The following TMEM45A variants were observed in gnomAD, a reference collection of about 807,000 sequenced individuals.
TMEM45A encodes the protein DNA polymerase-transactivated protein 4.
In TMEM45A, 25 loss-of-function variants were observed where a neutral mutation model predicts 32.0. The observed-to-expected ratio is 0.78, with a 90% CI of 0.57 to 1.09. The LOEUF is 1.09. TMEM45A is among the 50% of genes least tolerant of loss of function. The pLI is 0.00. For synonymous variants in TMEM45A, 122 were observed against 114.8 expected (o/e 1.06, Z -0.40); for missense variants, 302 against 325.0 (o/e 0.93, Z 0.54).
At position 100,513,241 on chromosome 3, in the gene TMEM45A, A is replaced by T. The variant is rs565520636; in HGVS notation, c.-4+20313A>T. Among the ~76,000 whole-genome samples the T allele has an allele frequency of 5.3e-5, 8 of 152,068 alleles. No individual in the cohort carries two copies. In the East Asian group the frequency reaches 1.5e-3, roughly 29 times the overall value. ...AAAATCCTCAATAAAATACTGGCAA[A>T]CCGAATCCAGCAGCACATCTAAAAG... On this transcript the variant is annotated intron_variant, in intron 1 of 5. Transcript: ENST00000323523.
intron 1 of TMEM45A, among the ~76,000 whole-genome samples, chr3:100,518,373 C>A (rs1420529471): frequency 4.6e-5 from 7 of 152,188 alleles, no homozygotes; most frequent in African/African-American, 1.7e-4. Flanking sequence ...TCTCCTTTAA[C>A]AGAAGGTTTG....
intron 1 of TMEM45A, among the ~76,000 whole-genome samples, chr3:100,511,348 C>T (rs1708156919): frequency 1.3e-5 from 2 of 152,002 alleles, no homozygotes; most frequent in Non-Finnish European, 2.9e-5. Flanking sequence ...AATTTTCAAC[C>T]CAGAATTTCA....
intron 1 of TMEM45A, among the ~76,000 whole-genome samples, chr3:100,554,392 G>A (rs984809931): frequency 6.6e-6 from 1 of 152,206 alleles, no homozygotes; most frequent in African/African-American, 2.4e-5. Flanking sequence ...GAAGCAGGCT[G>A]GTTGATCACC....
chr3:100,558,385 ATC>A lies in TMEM45A; in HGVS notation c.404-18_404-17del. ...GTCCTTGGTTCCACTGAAAAAGACAATCTGTTTTTTCCCCATCAGCCTTTATC... is the reference window on the plus strand; with the variant it reads ...GTCCTTGGTTCCACTGAAAAAGACAATGTTTTTTCCCCATCAGCCTTTATC... On this transcript the variant is annotated intron_variant, in intron 3 of 5. Transcript: ENST00000323523. 1 of 1,611,886 alleles carries A rather than the reference ATC, an allele frequency of 6.2e-7. No homozygotes were observed. The highest frequency in any genetic ancestry group is 8.5e-7 in the Non-Finnish European group (1 of 1,179,676).
In TMEM45A at chr3:100,555,195, T is replaced by C; in HGVS notation, c.-3-14T>C. On this transcript the variant is annotated splice_polypyrimidine_tract_variant and intron_variant, in intron 1 of 5. Transcript: ENST00000323523. ...GAAATGTCTTTTACTTTCTGTGTGT[T>C]CTTATATTTGTAGATCATGGGGAAT... 2.5e-6 allele frequency: 4 copies of C among 1,582,262 alleles called. No individual in the cohort carries two copies. Among genetic ancestry groups the C allele is most frequent in the Non-Finnish European group, 3.4e-6 (4 of 1,165,406 alleles).
At chr3:100,566,873 T>C (rs1389562060) in intron 4 of TMEM45A, among the ~76,000 whole-genome samples, 2 of 152,160 alleles carry the variant, frequency 1.3e-5, no homozygotes, top group Non-Finnish European at 2.9e-5. Flanking sequence ...ATTCTTTTTA[T>C]ATTCTAGATA....
At chr3:100,535,723 C>T (rs1705728859) in intron 1 of TMEM45A, among the ~76,000 whole-genome samples, 1 of 152,112 alleles carries the variant, frequency 6.6e-6, no homozygotes, top group South Asian at 2.1e-4. Context: ...GTCTCTTTAT[C>T]CTTAGTAGTA....
chr3:100,516,309 G>C (rs908393639), intron 1 of TMEM45A, among the ~76,000 whole-genome samples: 1 of 152,200 alleles, frequency 6.6e-6, no homozygotes, highest in East Asian at 1.9e-4. Flanking sequence ...TGTTAATTGT[G>C]ATAAGTGTTG....
intron 1 of TMEM45A, among the ~76,000 whole-genome samples, chr3:100,533,998 T>G (rs754169162): frequency 1.3e-5 from 2 of 152,128 alleles, no homozygotes; most frequent in Non-Finnish European, 2.9e-5. Context: ...TTGGGCCCTA[T>G]ATACTGGTAT....
intron 1 of TMEM45A, among the ~76,000 whole-genome samples, chr3:100,511,984 G>A (rs1009448874): frequency 1.4e-4 from 21 of 151,990 alleles, no homozygotes; most frequent in Middle Eastern, 3.2e-3. Context: ...CAAATCCTGA[G>A]TGACCTACAA....
At position 100,570,238 on chromosome 3, in the gene TMEM45A, G is replaced by T. The variant is rs1254109420; in HGVS notation, c.734+1271G>T. On this transcript the variant is annotated intron_variant, in intron 5 of 5. Transcript: ENST00000323523. ...CAGGTTCTCTGATTCCTAAATTGCA[G>T]TAGCTACTGCTAGGCCCAGTGAGGT... Among the ~76,000 whole-genome samples the T allele has an allele frequency of 2.0e-5, 3 of 152,214 alleles. No homozygotes were observed. The East Asian group carries it at 5.8e-4, about 29-fold the overall frequency.
At chr3:100,493,046 C>A (rs993355968) in intron 1 of TMEM45A, 118 bp downstream of exon 1, 2 of 151,680 alleles carry the variant, frequency 1.3e-5, no homozygotes, top group Admixed American at 6.6e-5. Context: ...ACACTTGCTG[C>A]GACAAACTGG....
chr3:100,561,377 A>G (rs1706326850), intron 4 of TMEM45A, among the ~76,000 whole-genome samples: 2 of 152,228 alleles, frequency 1.3e-5, no homozygotes, highest in African/African-American at 4.8e-5. Context: ...TAGAGGGATT[A>G]GATAAAACAT....
At position 100,555,237 on chromosome 3, in the gene TMEM45A, T is replaced by C; in HGVS notation, c.26T>C (p.Leu9Pro). The C allele has an allele frequency of 6.2e-7, 1 of 1,606,692 alleles. No individual in the cohort carries two copies. Among genetic ancestry groups the C allele is most frequent in the Non-Finnish European group, 8.5e-7 (1 of 1,176,634 alleles). Reference sequence around the variant, plus strand: ...ATGGGGAATTTCAGAGGTCATGCCCTCCCTGGAACCTTCTTTTTTATTATT... The same window carrying C: ...ATGGGGAATTTCAGAGGTCATGCCCCCCCTGGAACCTTCTTTTTTATTATT... MGNFRGHA[L>P]PGTFFFIIGL... Residue 9 changes from leucine to proline, a missense_variant, in exon 2 of 6, where the codon CTC (leucine) becomes CCC (proline). Transcript: ENST00000323523.
rs1421001918 is a variant in TMEM45A, at chr3:100,558,596, T to G, written c.588+7T>G. ...GGGGAGCTGGTTCTTTCAGGTGAGTTGGGGCCTCTAGTTAATGTACCTGGA... is the reference window on the plus strand; with the variant it reads ...GGGGAGCTGGTTCTTTCAGGTGAGTGGGGGCCTCTAGTTAATGTACCTGGA... On this transcript the variant is annotated splice_region_variant and intron_variant, in intron 4 of 5. Coordinates refer to ENST00000323523, the MANE Select transcript of TMEM45A (RefSeq NM_018004.3). The G allele has an allele frequency of 1.9e-6, 3 of 1,613,014 alleles. No homozygotes were observed. In the Admixed American group the frequency reaches 5.0e-5, roughly 27 times the overall value.
chr3:100,548,808 T>C (rs1706031762), intron 1 of TMEM45A, among the ~76,000 whole-genome samples: 1 of 152,224 alleles, frequency 6.6e-6, no homozygotes, highest in Admixed American at 6.5e-5. Context: ...CAAGTGATGA[T>C]TAGAAGAGCA....
chr3:100,509,409 A>G (rs916113626), intron 1 of TMEM45A, among the ~76,000 whole-genome samples: 6 of 152,250 alleles, frequency 3.9e-5, no homozygotes, highest in African/African-American at 1.4e-4. Context: ...GAACTACCAT[A>G]GAGTCCAGCA....
chr3:100,551,727 C>A (rs1367074355), intron 1 of TMEM45A, among the ~76,000 whole-genome samples: 2 of 152,144 alleles, frequency 1.3e-5, no homozygotes, highest in African/African-American at 4.8e-5. Context: ...CTTAGCCAGA[C>A]AAATGTTAAC....
At chr3:100,552,720 A>G (rs984229849) in intron 1 of TMEM45A, among the ~76,000 whole-genome samples, 4 of 152,300 alleles carry the variant, frequency 2.6e-5, no homozygotes, top group African/African-American at 7.2e-5. Flanking sequence ...CAGAGTAGAG[A>G]TGTTTTGCAA....
Sources: allele counts gnomAD v4.1 joint callset (sites outside exome capture counted in the v4.1 genomes callset), GRCh38; gene constraint gnomAD v4.1.1; transcripts MANE v1.5; gene names NCBI Gene and HGNC (gene_info 2026-07-23, HGNC 2026-07-21).